Variants in A2ML1 observed in about 807,000 individuals in gnomAD.
The protein encoded by A2ML1 is alpha-2-macroglobulin like 1, also known as alpha-2-macroglobulin-like protein 1.
A2ML1 carries 161 observed loss-of-function variants against 181.9 expected under a neutral mutation model. The observed-to-expected ratio is 0.89, with a 90% confidence interval of 0.78 to 1.01. A2ML1 has a LOEUF of 1.01. A2ML1 is among the 50% of genes least tolerant of loss of function. A2ML1 has a pLI of 0.00. For missense variants in A2ML1, 1,670 were observed against 1,768.1 expected (o/e 0.94, Z 1.00); for synonymous variants, 663 against 666.8 (o/e 0.99, Z 0.09).
At chr12:8,866,789 T>C (rs1040184235) in intron 29 of A2ML1, among the ~76,000 whole-genome samples, 8 of 152,228 alleles carry the variant, frequency 5.3e-5, no homozygotes, top group African/African-American at 1.9e-4. Context: ...AGGACAGTGA[T>C]AATGTCGAAA....
chr12:8,869,637 T>C (rs758314621), intron 33 of A2ML1, among the ~76,000 whole-genome samples: 248 of 152,174 alleles, frequency 1.6e-3, no homozygotes, highest in Middle Eastern at 3.4e-3. Context: ...TGTCAGTGCA[T>C]CTCAATTCTG....
chr12:8,837,017 A>G (rs906411340), intron 7 of A2ML1, among the ~76,000 whole-genome samples: 15 of 152,082 alleles, frequency 9.9e-5, no homozygotes, highest in African/African-American at 3.4e-4. Flanking sequence ...TAGGATTGTC[A>G]GAGCTTGCTT....
At chr12:8,882,463 A>C (rs1944880797) in intron 7 of A2ML1, among the ~76,000 whole-genome samples, 2 of 152,154 alleles carry the variant, frequency 1.3e-5, no homozygotes, top group Non-Finnish European at 2.9e-5. Context: ...GAGCACAGAG[A>C]ACTTTCTATC....
intron 22 of A2ML1, 136 bp downstream of exon 22, chr12:8,854,967 T>A: frequency 1.1e-6 from 1 of 887,136 alleles, no homozygotes; most frequent in Non-Finnish European, 1.7e-6. Flanking sequence ...CGATTTCAGC[T>A]CATTGCAACC....
chr12:8,880,948 T>C (rs1038150863), downstream of A2ML1, among the ~76,000 whole-genome samples: 6 of 152,176 alleles, frequency 3.9e-5, no homozygotes, highest in Admixed American at 3.3e-4. Flanking sequence ...GCTTTTTTGT[T>C]GGAACACAAA....
Position 8,837,563 on chromosome 12 carries a change from A to G in A2ML1, c.852A>G (p.Gly284=), listed in dbSNP as rs779461394. 2.5e-6 allele frequency: 4 copies of G among 1,612,714 alleles called. No individual in the cohort carries two copies. In the Admixed American group the frequency reaches 6.7e-5, roughly 27 times the overall value. ...QLPDKCRNLS[G]QTDKTGCFSA... is the part of the protein sequence containing the mutation. ...CTGACAAATGCAGGAACCTCTCTGG[A>G]CAGGTGAGTAAATGACAGGTTAAAA... Residue 284 remains glycine (G), a synonymous_variant, in exon 8 of 36, where the codon GGA becomes GGG. Transcript: ENST00000299698.
intron 30 of A2ML1, 23 bp downstream of exon 30, chr12:8,868,080 G>C: frequency 6.2e-7 from 1 of 1,612,234 alleles, no homozygotes; most frequent in Non-Finnish European, 8.5e-7. Context: ...CCATGAGAAT[G>C]AGCGGACATT....
chr12:8,854,851 G>C lies in A2ML1; in HGVS notation c.2764+20G>C. 1 of 1,612,712 alleles carries C rather than the reference G, an allele frequency of 6.2e-7. No individual in the cohort carries two copies. The highest frequency in any genetic ancestry group is 8.5e-7 in the Non-Finnish European group (1 of 1,179,202). On this transcript the variant is annotated intron_variant, in intron 22 of 35. Transcript: ENST00000299698. ...CAAAAGGTGGGTGGACTCAGAGCAG[G>C]ATTGGTGGTGAGAATTCCCTTAGAG...
intron 7 of A2ML1, 77 bp downstream of exon 7, chr12:8,836,416 G>A: frequency 7.7e-7 from 1 of 1,291,532 alleles, no homozygotes; most frequent in Non-Finnish European, 1.1e-6. Flanking sequence ...CATGGGATGT[G>A]GGATTATGGG....
chr12:8,824,636 C>T (rs1226265657), intron 3 of A2ML1, among the ~76,000 whole-genome samples: 2 of 152,020 alleles, frequency 1.3e-5, no homozygotes, highest in African/African-American at 4.8e-5. Flanking sequence ...ATTAACCATT[C>T]CCACCCCACC....
At chr12:8,856,477 A>G (rs762025469) in intron 23 of A2ML1, among the ~76,000 whole-genome samples, 5 of 152,222 alleles carry the variant, frequency 3.3e-5, no homozygotes, top group African/African-American at 4.8e-5. Flanking sequence ...GCAGATGTTA[A>G]TGAGTCACTT....
chr12:8,841,164 CG>C, intron 10 of A2ML1, among the ~76,000 whole-genome samples: 1 of 152,174 alleles, frequency 6.6e-6, no homozygotes, highest in Non-Finnish European at 1.5e-5. Flanking sequence ...GTTTGTTTTT[CG>C]GTTCCTCACA....
chr12:8,841,624 C>G (rs1188113518), intron 11 of A2ML1, 88 bp downstream of exon 11: 8 of 1,359,326 alleles, frequency 5.9e-6, no homozygotes, highest in Non-Finnish European at 6.0e-6. Flanking sequence ...ATTCTCCCCT[C>G]TGCTTGGAAT....
At position 8,836,262 on chromosome 12, in the gene A2ML1, G is replaced by T; in HGVS notation, c.651G>T (p.Pro217=). The change falls in exon 7 of 36, where the codon CCG becomes CCT. Residue 217 remains proline (P), a synonymous_variant. Coordinates refer to ENST00000299698, the MANE Select transcript of A2ML1 (RefSeq NM_144670.6). ...TCCTTTTACTCTCTTCAGTGCTGCC[G>T]AAGTTTAAGGTGGAAGTGGTGGAAC... The part of the protein sequence containing the change: ...GTFSVEEYVL[P]KFKVEVVEPK... The T allele has an allele frequency of 6.2e-7, 1 of 1,613,948 alleles. No homozygotes were observed. The highest frequency in any genetic ancestry group is 8.5e-7 in the Non-Finnish European group (1 of 1,179,964).
rs183811321 is a variant in A2ML1, at chr12:8,852,360, G to A, written c.2590+24G>A. ...GGGTAAGAGAGGGAAGTGGTAGACG[G>A]GCGAGGAAAGCCAGCAGCAGAAGAC... On this transcript the variant is annotated intron_variant, in intron 20 of 35. Transcript: ENST00000299698. This position sits in a 1 kb window ranked among gnomAD's most constrained non-coding sequence, Gnocchi z 4.2. 4,073 of 1,613,402 alleles carry A rather than the reference G, an allele frequency of 2.5e-3. 22 individuals are homozygous for A. The highest frequency in any genetic ancestry group is 0.012 in the South Asian group (1,074 of 91,010).
chr12:8,879,776 T>G (rs930336426), downstream of A2ML1, among the ~76,000 whole-genome samples: 1 of 152,218 alleles, frequency 6.6e-6, no homozygotes, highest in African/African-American at 2.4e-5. Context: ...AATGAGAACA[T>G]GTACATTGTC....
At chr12:8,842,052 C>T (rs759951694) in intron 11 of A2ML1, among the ~76,000 whole-genome samples, 3 of 152,322 alleles carry the variant, frequency 2.0e-5, no homozygotes, top group South Asian at 2.1e-4. Context: ...CTGCTGATTT[C>T]GATTTCCAGA....
chr12:8,864,090 C>G, intron 29 of A2ML1, 82 bp downstream of exon 29: 1 of 1,295,102 alleles, frequency 7.7e-7, no homozygotes, highest in South Asian at 1.3e-5. Flanking sequence ...ATTGTCCTTG[C>G]CTTCTCGGTC....
At chr12:8,843,969 C>T (rs766161057) in intron 12 of A2ML1, among the ~76,000 whole-genome samples, 9 of 152,236 alleles carry the variant, frequency 5.9e-5, no homozygotes, top group Non-Finnish European at 1.2e-4. Flanking sequence ...ATCCACCTGC[C>T]TCAGTCTCCC....
Sources: allele counts gnomAD v4.1 joint callset (sites outside exome capture counted in the v4.1 genomes callset), GRCh38; gene constraint gnomAD v4.1.1; non-coding constraint Gnocchi (gnomAD v3.1); transcripts MANE v1.5; gene names NCBI Gene and HGNC (gene_info 2026-07-23, HGNC 2026-07-21).